Variants in SCN11A observed in about 807,000 individuals in gnomAD.
The protein encoded by SCN11A is sodium channel protein type 11 subunit alpha.
A neutral mutation model predicts 162.2 loss-of-function variants in SCN11A; 122 were observed. That is an observed-to-expected ratio of 0.75 (90% CI 0.65 to 0.87). SCN11A has a LOEUF of 0.87. Among genes scored for constraint, SCN11A ranks in the 40% least tolerant of loss-of-function variants. The pLI, the probability that SCN11A is intolerant of heterozygous loss-of-function variation, is 0.00. For missense variants in SCN11A, 2,015 were observed against 2,181.6 expected (o/e 0.92, Z 1.52); for synonymous variants, 758 against 751.5 (o/e 1.01, Z -0.14).
At chr3:38,903,135 G>A (rs2065730776) in intron 16 of SCN11A, among the ~76,000 whole-genome samples, 1 of 152,060 alleles carries the variant, frequency 6.6e-6, no homozygotes, top group Non-Finnish European at 1.5e-5. Context: ...AGACATTCTG[G>A]TAAGGTTTTT....
At chr3:38,952,525 C>T (rs1032660822) in intron 4 of SCN11A, among the ~76,000 whole-genome samples, 18 of 152,286 alleles carry the variant, frequency 1.2e-4, no homozygotes, top group African/African-American at 4.1e-4. Context: ...TAGGCACTAA[C>T]GGTGAAGAAA....
At chr3:38,919,796 A>C in intron 11 of SCN11A, 139 bp downstream of exon 11, 1 of 672,666 alleles carries the variant, frequency 1.5e-6, no homozygotes, top group Non-Finnish European at 2.6e-6. Flanking sequence ...ACACAAGTCT[A>C]AACATGTTTA....
At chr3:39,050,241 C>T (rs905709507) in intron 1 of SCN11A, among the ~76,000 whole-genome samples, 2 of 152,172 alleles carry the variant, frequency 1.3e-5, no homozygotes, top group Non-Finnish European at 2.9e-5. Context: ...GCTACAAGAC[C>T]TTTGCTCAGA....
chr3:38,982,873 C>G (rs1028945318), intron 2 of SCN11A, among the ~76,000 whole-genome samples: 5 of 152,156 alleles, frequency 3.3e-5, no homozygotes, highest in African/African-American at 1.2e-4. Context: ...GTTTCCACAT[C>G]TGCGAAATGT....
chr3:38,963,428 T>TATATATATATATATATATGATGGAG (rs2066759524), intron 2 of SCN11A, among the ~76,000 whole-genome samples: 3 of 74,990 alleles, frequency 4.0e-5, no homozygotes, highest in Admixed American at 1.2e-4. Flanking sequence ...GATGGAGATA[T>TATATATATATATATATATGATGGAG]ATATATATAT....
Position 38,850,598 on chromosome 3 carries a change from C to T in SCN11A, c.4210G>A (p.Val1404Ile). ...TCTAACGTAAAGATGACCACAAAGA[C>T]CCAGTTGAGATGGTCAAGGATGGAT... is the stretch of plus-strand genomic sequence containing the variant. Reference protein sequence around the residue: ...MKSILDHLNWVFVVIFTLECL... With the variant: ...MKSILDHLNWIFVVIFTLECL... The change falls in exon 29 of 30, where the codon GTC becomes ATC. Residue 1404 changes from valine to isoleucine, a missense_variant. Val to Ile is a conservative substitution (Grantham distance 29, BLOSUM62 3). Transcript: ENST00000302328. 1 of 1,613,838 alleles carries T rather than the reference C, an allele frequency of 6.2e-7. No individual in the cohort carries two copies. The highest frequency in any genetic ancestry group is 8.5e-7 in the Non-Finnish European group (1 of 1,179,852).
chr3:38,863,826 G>C (rs910465096), intron 27 of SCN11A, among the ~76,000 whole-genome samples: 1 of 152,056 alleles, frequency 6.6e-6, no homozygotes, highest in Non-Finnish European at 1.5e-5. Flanking sequence ...CTCATATCTG[G>C]AAATTTGGGG....
At chr3:38,869,533 G>A (rs906885459) in intron 26 of SCN11A, among the ~76,000 whole-genome samples, 1 of 151,946 alleles carries the variant, frequency 6.6e-6, no homozygotes, top group African/African-American at 2.4e-5. Context: ...GACACACCCA[G>A]AATTAAGCAA....
At chr3:38,978,755 T>A (rs1041189222) in intron 2 of SCN11A, among the ~76,000 whole-genome samples, 12 of 152,176 alleles carry the variant, frequency 7.9e-5, no homozygotes, top group Non-Finnish European at 1.3e-4. Context: ...AAAGAAAAGC[T>A]CCCTAATGTG....
At position 38,950,350 on chromosome 3, in the gene SCN11A, A is replaced by G; in HGVS notation, c.13T>C (p.Cys5Arg). 2 of 1,613,694 alleles carry G rather than the reference A, an allele frequency of 1.2e-6. No individual in the cohort carries two copies. Among genetic ancestry groups the G allele is most frequent in the Non-Finnish European group, 1.7e-6 (2 of 1,179,998 alleles). ...TCATCTGGAAAGATTACTGGGTAGC[A>G]TCTGTCATCCATCTTCACCCTCAGG... is the stretch of plus-strand genomic sequence containing the variant. MDDRCYPVIFPDERN... is the reference protein window; with the variant it reads MDDRRYPVIFPDERN... Residue 5 changes from cysteine (C) to arginine (R), a missense_variant, in exon 5 of 30, where the codon TGC becomes CGC. Transcript: ENST00000302328.
Position 38,846,510 on chromosome 3 carries a change from T to A in SCN11A, c.*184A>T, listed in dbSNP as rs2064665605. ...TACCACTGGTTGTCAAGTAGCCTTA[T>A]CTTATATCTCTGTAAGTATTATTTA... On this transcript the variant is annotated 3_prime_UTR_variant, in exon 30 of 30. Transcript: ENST00000302328. 3 of 590,880 alleles carry A rather than the reference T, an allele frequency of 5.1e-6. No homozygotes were observed. In the South Asian group the frequency reaches 6.6e-5, roughly 13 times the overall value. The allele number at this position is 590,880 out of a possible 1,614,324, so 36.6% of individuals were successfully genotyped here.
chr3:38,954,934 G>A (rs2066663124), intron 3 of SCN11A, among the ~76,000 whole-genome samples: 1 of 152,188 alleles, frequency 6.6e-6, no homozygotes, highest in Admixed American at 6.5e-5. Flanking sequence ...GTTGCAGTGA[G>A]CCAAGATTGT....
At chr3:38,854,244 G>C (rs2064830477) in intron 28 of SCN11A, among the ~76,000 whole-genome samples, 1 of 152,164 alleles carries the variant, frequency 6.6e-6, no homozygotes, top group South Asian at 2.1e-4. Flanking sequence ...CACAATGGCA[G>C]AGTTGAGTAC....
At chr3:38,882,650 T>G (rs367629135) in intron 22 of SCN11A, among the ~76,000 whole-genome samples, 1 of 152,150 alleles carries the variant, frequency 6.6e-6, no homozygotes, top group Non-Finnish European at 1.5e-5. Flanking sequence ...AAGGAGTGGA[T>G]AGCTCTATGG....
chr3:38,968,582 CA>C (rs1443935724), intron 2 of SCN11A, among the ~76,000 whole-genome samples: 1 of 152,106 alleles, frequency 6.6e-6, no homozygotes, highest in Non-Finnish European at 1.5e-5. Context: ...TGCCTCCCCC[CA>C]ACACACATGT....
intron 5 of SCN11A, among the ~76,000 whole-genome samples, chr3:38,947,953 G>A (rs1335400238): frequency 6.6e-6 from 1 of 152,168 alleles, no homozygotes; most frequent in Non-Finnish European, 1.5e-5. Flanking sequence ...GACAGACCTC[G>A]GCACCCAGGC....
At chr3:38,939,110 C>A (rs2066401435) in intron 7 of SCN11A, among the ~76,000 whole-genome samples, 2 of 152,094 alleles carry the variant, frequency 1.3e-5, no homozygotes, top group South Asian at 4.1e-4. Context: ...GAGGCGAAGG[C>A]TGCAGTGAGT....
intron 2 of SCN11A, among the ~76,000 whole-genome samples, chr3:38,977,056 C>T (rs1006547147): frequency 6.6e-6 from 1 of 152,192 alleles, no homozygotes; most frequent in Non-Finnish European, 1.5e-5. Context: ...TTCTCAAAAG[C>T]CTCTCTGCAA....
At chr3:38,915,874 G>A (rs1047967214) in intron 11 of SCN11A, among the ~76,000 whole-genome samples, 1 of 152,092 alleles carries the variant, frequency 6.6e-6, no homozygotes, top group South Asian at 2.1e-4. Context: ...TTCTGCCCCA[G>A]TGATCTGTCT....
Sources: gnomAD v4.1 joint callset for allele counts (sites outside exome capture counted in the v4.1 genomes callset) on GRCh38, gnomAD v4.1.1 for gene constraint, MANE v1.5 for transcripts, NCBI Gene and HGNC (gene_info 2026-07-23, HGNC 2026-07-21) for gene names.